SHOC2: variants seen among roughly 807,000 people sequenced by gnomAD.
SHOC2 encodes leucine-rich repeat protein SHOC-2.
Under a neutral mutation model 50.2 loss-of-function variants are expected in SHOC2, and 4 were observed. That is an observed-to-expected ratio of 0.08 (90% CI 0.04 to 0.18). The LOEUF (loss-of-function observed/expected upper bound fraction) is 0.18, where lower values mean the gene tolerates loss of function less well. SHOC2 is among the 10% of genes least tolerant of loss of function. The probability of loss-of-function intolerance (pLI) is 1.00; values close to 1 mark genes in which losing one functional copy is unlikely to be tolerated. For synonymous variants in SHOC2, 218 were observed against 244.5 expected, an observed-to-expected ratio of 0.89 and a Z score of 1.01; for missense variants, 388 against 669.6, an observed-to-expected ratio of 0.58 and a Z score of 4.64.
chr10:110,974,218 AT>A (rs1847834741), intron 2 of SHOC2, among the ~76,000 whole-genome samples: 1 of 152,000 alleles, frequency 6.6e-6, no homozygotes, highest in South Asian at 2.1e-4. Flanking sequence ...TATTCAAAAT[AT>A]TTTCTAAATA....
intron 1 of SHOC2, among the ~76,000 whole-genome samples, chr10:110,962,657 G>A (rs1214836737): frequency 6.6e-6 from 1 of 152,154 alleles, no homozygotes; most frequent in Non-Finnish European, 1.5e-5. Context: ...ATTTGCTTCA[G>A]CAAAGTGACA....
rs199869304 is a variant in SHOC2 at position 111,004,680 on chromosome 10, T to C, written c.1047T>C (p.Gly349=). ...ARNCFQLYPV[G]GPSQFSTIYS... ...ATTGCTTCCAGTTGTATCCAGTGGG[T>C]GGTCCATCTCAGTTTTCTACCATCT... Residue 349 remains glycine (G), a synonymous_variant, in exon 5 of 9, where the codon GGT becomes GGC. Transcript: ENST00000369452. 8.1e-6 allele frequency: 13 copies of C among 1,612,876 alleles called. No homozygotes were observed. The East Asian group carries it at 2.7e-4, about 33-fold the overall frequency.
chr10:110,937,595 G>A (rs568519699), intron 1 of SHOC2, among the ~76,000 whole-genome samples: 1 of 152,266 alleles, frequency 6.6e-6, no homozygotes, highest in South Asian at 2.1e-4. Flanking sequence ...GAGGAAAAGA[G>A]GGGACCATAC....
rs189388217 is a variant in SHOC2 at position 110,940,262 on chromosome 10, T to A, written c.-235+20605T>A. Among the ~76,000 whole-genome samples the A allele has an allele frequency of 3.2e-3, 487 of 152,300 alleles. 26 individuals are homozygous for A. The South Asian group carries it at 0.093, about 29-fold the overall frequency. ...TGCCTTTCCTAATCTTGTTTCATCA[T>A]AGTTTCTTGGGGTTTATGTGTCTAA... On this transcript the variant is annotated intron_variant, in intron 1 of 8. Coordinates refer to ENST00000369452, the MANE Select transcript of SHOC2 (RefSeq NM_007373.4).
chr10:110,975,691 A>G (rs944846429), intron 2 of SHOC2, among the ~76,000 whole-genome samples: 3 of 152,046 alleles, frequency 2.0e-5, no homozygotes, highest in African/African-American at 4.8e-5. Flanking sequence ...AATTATATCA[A>G]TTCATATTGA....
chr10:110,955,282 T>G (rs1847438311), intron 1 of SHOC2, among the ~76,000 whole-genome samples: 1 of 152,190 alleles, frequency 6.6e-6, no homozygotes, highest in Admixed American at 6.5e-5. Flanking sequence ...GATTTGTGAT[T>G]CATTTTGACT....
chr10:110,937,323 G>A, intron 1 of SHOC2: 1 of 661,928 alleles, frequency 1.5e-6, no homozygotes, highest in Non-Finnish European at 2.7e-6. Context: ...GTCTGTGAAA[G>A]CTTCAAATGT....
Position 110,922,468 on chromosome 10 carries a change from T to A in SHOC2, c.-235+2811T>A, listed in dbSNP as rs370967188. Reference sequence around the variant, plus strand: ...TTCTTTAAACTTCAGATATTTTGATTTTTTTGTAAAAATATTTAAATACAG... The same window carrying A: ...TTCTTTAAACTTCAGATATTTTGATATTTTTGTAAAAATATTTAAATACAG... On this transcript the variant is annotated intron_variant, in intron 1 of 8. Coordinates refer to ENST00000369452, the MANE Select transcript of SHOC2 (RefSeq NM_007373.4). Among the ~76,000 whole-genome samples, 487 of 152,168 alleles carry A rather than the reference T, an allele frequency of 3.2e-3. 26 individuals carry two copies. In the South Asian group the frequency reaches 0.093, roughly 29 times the overall value.
intron 6 of SHOC2, 98 bp from the exon 7 acceptor site, chr10:111,009,150 T>C (rs1248619807): frequency 2.6e-5 from 21 of 798,552 alleles, no homozygotes; most frequent in Non-Finnish European, 4.2e-6. Flanking sequence ...ATTCACTGTT[T>C]GGAAAATTAG....
intron 2 of SHOC2, among the ~76,000 whole-genome samples, chr10:110,972,406 TA>T (rs2134131264): frequency 6.6e-6 from 1 of 152,310 alleles, no homozygotes; most frequent in South Asian, 2.1e-4. Flanking sequence ...GCAGGAATGA[TA>T]AATCAGTAAA....
chr10:110,964,071 C>A lies in SHOC2; in HGVS notation c.-234-54C>A. The A allele has an allele frequency of 2.3e-6, 1 of 436,928 alleles. No individual in the cohort carries two copies. Among genetic ancestry groups the A allele is most frequent in the South Asian group, 7.3e-5 (1 of 13,704 alleles). The allele number at this position is 436,928 out of a possible 1,614,324, so 27.1% of individuals were successfully genotyped here. On this transcript the variant is annotated intron_variant, in intron 1 of 8. Coordinates refer to ENST00000369452, the MANE Select transcript of SHOC2 (RefSeq NM_007373.4). This position sits in a 1 kb window ranked among gnomAD's most constrained non-coding sequence, Gnocchi z 4.9. ...CTCTAATAAGATTGTTTTTCAGAGC[C>A]TATTTAATATAAATTATCTAAAGTA...
At chr10:111,011,105 T>C (rs4457680) in intron 8 of SHOC2, among the ~76,000 whole-genome samples, 151,860 of 152,338 alleles carry the variant, frequency 1, 75,691 homozygotes, top group East Asian at 1. Context: ...TACTGCCATA[T>C]ATGTGATAAC....
chr10:110,926,103 G>T (rs182638945), intron 1 of SHOC2, among the ~76,000 whole-genome samples: 246 of 152,262 alleles, frequency 1.6e-3, no homozygotes, highest in African/African-American at 5.8e-3. Context: ...CAGACTTTGG[G>T]AGACCTTCCT....
chr10:110,980,932 C>T (rs1462616125), intron 2 of SHOC2, among the ~76,000 whole-genome samples: 2 of 152,206 alleles, frequency 1.3e-5, no homozygotes, highest in African/African-American at 2.4e-5. Flanking sequence ...ATGCACACTA[C>T]AGTGTAAGTT....
intron 3 of SHOC2, among the ~76,000 whole-genome samples, chr10:110,998,597 C>T (rs935318437): frequency 6.6e-6 from 1 of 152,090 alleles, no homozygotes; most frequent in Non-Finnish European, 1.5e-5. Context: ...AACTCTTGGC[C>T]CAGTTTCCAA....
intron 1 of SHOC2, among the ~76,000 whole-genome samples, chr10:110,936,047 T>C (rs1847000819): frequency 6.6e-6 from 1 of 152,128 alleles, no homozygotes; most frequent in Admixed American, 6.5e-5. Flanking sequence ...TTTAATGATG[T>C]TTTATGCTGG....
intron 6 of SHOC2, 96 bp downstream of exon 6, chr10:111,007,749 A>G (rs1298416836): frequency 8.2e-7 from 1 of 1,224,296 alleles, no homozygotes; most frequent in South Asian, 1.2e-5. Flanking sequence ...ATTTGGGTGA[A>G]TGTCATAATT....
chr10:110,936,943 G>C (rs752903050), intron 1 of SHOC2: 3 of 1,418,644 alleles, frequency 2.1e-6, no homozygotes, highest in East Asian at 4.6e-5. Flanking sequence ...GGTCCAGAGC[G>C]GCCTGGCCTC....
upstream of SHOC2, chr10:110,919,472 A>T (rs1343969748): frequency 7.7e-6 from 3 of 391,520 alleles, no homozygotes; most frequent in African/African-American, 6.4e-5. Context: ...CTAGCGAGTG[A>T]CGGGCCCACG....
Sources: allele counts gnomAD v4.1 joint callset (sites outside exome capture counted in the v4.1 genomes callset), GRCh38; gene constraint gnomAD v4.1.1; non-coding constraint Gnocchi (gnomAD v3.1); transcripts MANE v1.5; gene names NCBI Gene and HGNC (gene_info 2026-07-23, HGNC 2026-07-21).